Variants in P2RX5 observed in about 807,000 individuals in gnomAD.
P2RX5 encodes purinergic receptor P2X 5.
A neutral mutation model predicts 54.1 loss-of-function variants in P2RX5; 46 were observed. That is an observed-to-expected ratio of 0.85 (90% CI 0.67 to 1.09). The LOEUF (loss-of-function observed/expected upper bound fraction) is 1.09, where lower values mean the gene tolerates loss of function less well. Ranked by LOEUF, P2RX5 falls within the 50% of genes least tolerant of loss-of-function variation. P2RX5 has a pLI of 0.00. For synonymous variants in P2RX5, 226 were observed against 226.4 expected (o/e 1.00, Z 0.02); for missense variants, 566 against 549.8 (o/e 1.03, Z -0.29).
At chr17:3,676,159 C>G in intron 11 of P2RX5, 4 of 985,548 alleles carry the variant, frequency 4.1e-6, no homozygotes, top group Non-Finnish European at 4.8e-6. Context: ...ATGGCGAGGG[C>G]TGAGCTCCAG....
intron 11 of P2RX5, chr17:3,677,905 C>T: frequency 1.0e-6 from 1 of 985,398 alleles, no homozygotes; most frequent in Non-Finnish European, 1.2e-6. Context: ...TTGGGAGGCT[C>T]CCCTCCTCAC....
the P2RX5 span, among the ~76,000 whole-genome samples, chr17:3,715,515 C>T: frequency 1.3e-5 from 2 of 152,042 alleles, no homozygotes; most frequent in African/African-American, 4.8e-5. Context: ...AAGCAGCCTA[C>T]GCGTACGCAG....
At chr17:3,685,026 A>G (rs1436095591) in intron 9 of P2RX5, among the ~76,000 whole-genome samples, 4 of 151,924 alleles carry the variant, frequency 2.6e-5, no homozygotes. Context: ...TTGTATTTTT[A>G]GTAGAGGCAG....
the P2RX5 span, among the ~76,000 whole-genome samples, chr17:3,703,072 T>C: frequency 0.49 from 74,790 of 151,956 alleles, 20,806 homozygotes; most frequent in Middle Eastern, 0.7. Context: ...GAAACCAGAC[T>C]CTCCTGCCTC....
rs1219171479 is a variant in P2RX5, at chr17:3,676,634, A to G, written c.1260-2757T>C. The G allele has an allele frequency of 3.1e-6, 3 of 981,296 alleles. No individual in the cohort carries two copies. In the African/African-American group the frequency reaches 5.3e-5, roughly 17 times the overall value. The allele number at this position is 981,296 out of a possible 1,614,324, so 60.8% of individuals were successfully genotyped here. On this transcript the variant is annotated intron_variant, in intron 11 of 11. Coordinates refer to ENST00000225328, the MANE Select transcript of P2RX5 (RefSeq NM_002561.4). ...AGCTGGCCTTTTTCCCCTGAGAACC[A>G]GGGCTTCTTAAATGTCACTGTGCAC...
chr17:3,705,178 A>T, the P2RX5 span, among the ~76,000 whole-genome samples: 2 of 151,884 alleles, frequency 1.3e-5, no homozygotes, highest in Admixed American at 1.3e-4. Flanking sequence ...GCTCCTCTCC[A>T]CTCCCAAGTT....
intron 9 of P2RX5, among the ~76,000 whole-genome samples, chr17:3,684,084 A>G (rs1363599029): frequency 6.6e-6 from 1 of 152,240 alleles, no homozygotes; most frequent in African/African-American, 2.4e-5. Flanking sequence ...GGGGCAGTGT[A>G]GACTCAGGAC....
At position 3,692,047 on chromosome 17, in the gene P2RX5, C is replaced by T. The variant is rs117847156; in HGVS notation, c.138-253G>A. On this transcript the variant is annotated intron_variant, in intron 1 of 11. Transcript: ENST00000225328. ...CCTGAAGAGGCAAAGACCAGCCGGG[C>T]GCAGTGGCTCACGCCTATAATCCGA... 1,893 of 520,288 alleles carry T rather than the reference C, an allele frequency of 3.6e-3. 5 individuals are homozygous for T. Among genetic ancestry groups the T allele is most frequent in the Non-Finnish European group, 5.3e-3 (1,516 of 286,374 alleles). The allele number at this position is 520,288 out of a possible 1,614,324, so 32.2% of individuals were successfully genotyped here.
At position 3,688,042 on chromosome 17, in the gene P2RX5, C is replaced by CTTT; in HGVS notation, c.950_951insAAA (p.Gly317_Ile318insLys). The CTTT allele has an allele frequency of 6.2e-7, 1 of 1,602,678 alleles. No individual in the cohort carries two copies. Among genetic ancestry groups the CTTT allele is most frequent in the Non-Finnish European group, 8.5e-7 (1 of 1,174,916 alleles). ...CGTTCACCATCACGTCAAAGCGGAT[C>CTTT]CCGTAGGCTTTCATCAGGGTGCGGA... On this transcript the variant is annotated inframe_insertion, in exon 9 of 12. Transcript: ENST00000225328.
chr17:3,691,145 C>G (rs2143001060), intron 2 of P2RX5, 118 bp from the exon 3 acceptor site: 1 of 753,948 alleles, frequency 1.3e-6, no homozygotes, highest in East Asian at 2.6e-5. Context: ...ATAATGGGGC[C>G]ACAAACTTGG....
At position 3,690,170 on chromosome 17, in the gene P2RX5, A is replaced by G; in HGVS notation, c.534-20T>C. The G allele has an allele frequency of 1.9e-6, 3 of 1,610,520 alleles. No homozygotes were observed. Among genetic ancestry groups the G allele is most frequent in the Non-Finnish European group, 2.5e-6 (3 of 1,176,702 alleles). On this transcript the variant is annotated intron_variant, in intron 5 of 11. Transcript: ENST00000225328. ...GGCTCCCTGAAAACCAACCCAGAAC[A>G]GCCTGTCCAGGAGGCCCCACCCCTG...
At chr17:3,682,029 T>C in intron 9 of P2RX5, 51 bp from the exon 10 acceptor site, 1 of 1,295,036 alleles carries the variant, frequency 7.7e-7, no homozygotes, top group South Asian at 1.2e-5. Flanking sequence ...GAGAGCACTG[T>C]TCATTTAGGG....
chr17:3,683,410 G>A (rs918959796), intron 9 of P2RX5, among the ~76,000 whole-genome samples: 17 of 152,334 alleles, frequency 1.1e-4, no homozygotes, highest in African/African-American at 4.1e-4. Context: ...GTCCCCAGAG[G>A]GTGCTCTGAT....
chr17:3,694,738 A>C (rs1271815144), intron 1 of P2RX5, among the ~76,000 whole-genome samples: 1 of 152,210 alleles, frequency 6.6e-6, no homozygotes, highest in African/African-American at 2.4e-5. Flanking sequence ...TTCATTTCAC[A>C]TCTATTCCCT....
chr17:3,679,186 A>C (rs1396091895), intron 11 of P2RX5, among the ~76,000 whole-genome samples: 1 of 152,180 alleles, frequency 6.6e-6, no homozygotes, highest in Non-Finnish European at 1.5e-5. Context: ...ACTTGAGCAA[A>C]TTACCGAGCC....
At chr17:3,704,464 A>G in the P2RX5 span, among the ~76,000 whole-genome samples, 1 of 152,198 alleles carries the variant, frequency 6.6e-6, no homozygotes, top group Non-Finnish European at 1.5e-5. Flanking sequence ...TCCCATTAAT[A>G]GACATTACTG....
At chr17:3,697,007 C>A (rs114681847), upstream of P2RX5, among the ~76,000 whole-genome samples, 2 of 152,064 alleles carry the variant, frequency 1.3e-5, no homozygotes, top group Non-Finnish European at 2.9e-5. Context: ...GTGTCTGCTG[C>A]GACTAATGCG....
intron 7 of P2RX5, 137 bp from the exon 8 acceptor site, chr17:3,688,896 G>A (rs2050523843): frequency 3.3e-6 from 3 of 907,502 alleles, no homozygotes; most frequent in South Asian, 2.7e-5. Context: ...CCACCCTCCA[G>A]GAGGCTTAGT....
chr17:3,675,174 G>A (rs932724043), intron 11 of P2RX5: 2 of 166,682 alleles, frequency 1.2e-5, no homozygotes, highest in African/African-American at 4.8e-5. Flanking sequence ...TGAGTAGCTG[G>A]GACTACAAGT....
Sources: allele counts gnomAD v4.1 joint callset (sites outside exome capture counted in the v4.1 genomes callset), GRCh38; gene constraint gnomAD v4.1.1; transcripts MANE v1.5; gene names NCBI Gene and HGNC (gene_info 2026-07-23, HGNC 2026-07-21).